The following LRRC8D variants were observed in gnomAD, a reference collection of about 807,000 sequenced individuals.
LRRC8D encodes the protein leucine rich repeat containing 8 VRAC subunit D.
A neutral mutation model predicts 55.8 loss-of-function variants in LRRC8D; 20 were observed. The observed-to-expected ratio is 0.36, with a 90% CI of 0.25 to 0.52. The LOEUF (loss-of-function observed/expected upper bound fraction) is 0.52, where lower values mean the gene tolerates loss of function less well. Among genes scored for constraint, LRRC8D ranks in the 20% least tolerant of loss-of-function variants. LRRC8D has a pLI of 0.93. For missense variants in LRRC8D, 651 were observed against 1,030.8 expected (o/e 0.63, Z 5.05); for synonymous variants, 352 against 377.0 (o/e 0.93, Z 0.77).
At chr1:89,848,900 G>A (rs1175636294) in intron 2 of LRRC8D, among the ~76,000 whole-genome samples, 7 of 151,990 alleles carry the variant, frequency 4.6e-5, no homozygotes, top group Non-Finnish European at 1.5e-5. Context: ...GGGTTTCACC[G>A]TGTTAGCCAG....
At chr1:89,886,617 A>G (rs554422143) in intron 2 of LRRC8D, among the ~76,000 whole-genome samples, 34 of 152,234 alleles carry the variant, frequency 2.2e-4, no homozygotes, top group Non-Finnish European at 4.6e-4. Context: ...CTCAGTTTTT[A>G]TCTCAAAACA....
intron 2 of LRRC8D, among the ~76,000 whole-genome samples, chr1:89,865,046 C>G (rs936700362): frequency 3.3e-5 from 5 of 152,118 alleles, no homozygotes; most frequent in African/African-American, 9.7e-5. Flanking sequence ...TTTTACATCT[C>G]CAACATTTCA....
At chr1:89,826,279 T>G (rs2100693997) in intron 1 of LRRC8D, among the ~76,000 whole-genome samples, 1 of 123,610 alleles carries the variant, frequency 8.1e-6, no homozygotes, top group East Asian at 2.4e-4. Flanking sequence ...TTATTTTATT[T>G]TTTTAGACGG....
At chr1:89,928,626 G>T (rs1663626698) in intron 2 of LRRC8D, among the ~76,000 whole-genome samples, 1 of 152,106 alleles carries the variant, frequency 6.6e-6, no homozygotes, top group Non-Finnish European at 1.5e-5. Flanking sequence ...TCTGGGGCCG[G>T]AGCTGGTGAC....
At chr1:89,871,911 A>G (rs1305267998) in intron 2 of LRRC8D, among the ~76,000 whole-genome samples, 1 of 152,144 alleles carries the variant, frequency 6.6e-6, no homozygotes, top group African/African-American at 2.4e-5. Flanking sequence ...TTACTCCTAA[A>G]TACTACCTCG....
chr1:89,889,114 T>C (rs1228156644), intron 2 of LRRC8D, among the ~76,000 whole-genome samples: 3 of 152,184 alleles, frequency 2.0e-5, no homozygotes, highest in Non-Finnish European at 4.4e-5. Flanking sequence ...TCAGTGGTGG[T>C]AAGTCAGGCT....
intron 2 of LRRC8D, among the ~76,000 whole-genome samples, chr1:89,879,944 C>A (rs747594807): frequency 6.6e-6 from 1 of 151,706 alleles, no homozygotes; most frequent in Non-Finnish European, 1.5e-5. Flanking sequence ...TAAGTAGAAG[C>A]CATTTAATTC....
intron 2 of LRRC8D, among the ~76,000 whole-genome samples, chr1:89,925,216 A>G (rs1422600775): frequency 6.6e-6 from 1 of 152,184 alleles, no homozygotes; most frequent in Non-Finnish European, 1.5e-5. Flanking sequence ...CAAGGGATCT[A>G]GGTTCTGCTA....
chr1:89,916,379 T>TCC (rs1175921924), intron 2 of LRRC8D, among the ~76,000 whole-genome samples: 3 of 152,210 alleles, frequency 2.0e-5, no homozygotes, highest in Non-Finnish European at 4.4e-5. Context: ...TTTTATCAAA[T>TCC]CCTTTGAAAT....
intron 2 of LRRC8D, among the ~76,000 whole-genome samples, chr1:89,864,746 C>T (rs1247592064): frequency 6.6e-6 from 1 of 152,106 alleles, no homozygotes; most frequent in Non-Finnish European, 1.5e-5. Context: ...AAGACCTTGC[C>T]GCAGGAAACC....
At chr1:89,858,731 T>C (rs1037118088) in intron 2 of LRRC8D, among the ~76,000 whole-genome samples, 1 of 152,136 alleles carries the variant, frequency 6.6e-6, no homozygotes, top group Non-Finnish European at 1.5e-5. Context: ...ACAAGTGAAA[T>C]TTTTTTGAGT....
chr1:89,921,134 C>T (rs1663406795), intron 2 of LRRC8D, among the ~76,000 whole-genome samples: 1 of 152,094 alleles, frequency 6.6e-6, no homozygotes, highest in South Asian at 2.1e-4. Context: ...GAGGCCAAGG[C>T]GGATGAATCA....
intron 2 of LRRC8D, among the ~76,000 whole-genome samples, chr1:89,851,833 T>G (rs2100768683): frequency 6.6e-6 from 1 of 152,280 alleles, no homozygotes; most frequent in East Asian, 1.9e-4. Flanking sequence ...TAAAATGTGA[T>G]GAAACCATGT....
At chr1:89,838,427 T>G (rs1017035880) in intron 1 of LRRC8D, among the ~76,000 whole-genome samples, 2 of 151,986 alleles carry the variant, frequency 1.3e-5, no homozygotes, top group Non-Finnish European at 2.9e-5. Context: ...AAACAATGTT[T>G]CAAATAAGGA....
chr1:89,933,840 G>T lies in LRRC8D; in HGVS notation c.772G>T (p.Gly258Cys). 1 of 1,613,994 alleles carries T rather than the reference G, an allele frequency of 6.2e-7. No homozygotes were observed. Among genetic ancestry groups the T allele is most frequent in the Non-Finnish European group, 8.5e-7 (1 of 1,179,956 alleles). The change falls in exon 3 of 3, where the codon GGC becomes TGC. Residue 258 changes from glycine to cysteine, a missense_variant. This residue lies in a region of LRRC8D where 178 missense variants were observed against 374.9 expected (regional missense o/e 0.47). Coordinates refer to ENST00000337338, the MANE Select transcript of LRRC8D (RefSeq NM_001134479.2). This position sits in a 1 kb window ranked among gnomAD's most constrained non-coding sequence, Gnocchi z 7.0. ...CAGTACACCAATGATCAATAAAACTGGCTTTAAATTTTCAGCTGAGAAGCC... is the reference window on the plus strand; with the variant it reads ...CAGTACACCAATGATCAATAAAACTTGCTTTAAATTTTCAGCTGAGAAGCC... Reference protein sequence around the residue: ...SASTPMINKTGFKFSAEKPVI... With the variant: ...SASTPMINKTCFKFSAEKPVI...
intron 2 of LRRC8D, among the ~76,000 whole-genome samples, chr1:89,857,229 G>C (rs1472725509): frequency 6.6e-6 from 1 of 151,556 alleles, no homozygotes; most frequent in Non-Finnish European, 1.5e-5. Flanking sequence ...CTAAAAAATA[G>C]AAAATTAGCC....
chr1:89,830,838 T>G (rs1660867896), intron 1 of LRRC8D, among the ~76,000 whole-genome samples: 1 of 152,120 alleles, frequency 6.6e-6, no homozygotes, highest in South Asian at 2.1e-4. Flanking sequence ...CTTTAGGCCC[T>G]TAGAGATAGC....
intron 2 of LRRC8D, among the ~76,000 whole-genome samples, chr1:89,906,082 A>G (rs1157041325): frequency 1.3e-5 from 2 of 152,196 alleles, no homozygotes; most frequent in African/African-American, 2.4e-5. Context: ...GCACATTTTT[A>G]TGGGGCAGCC....
chr1:89,881,388 A>T (rs1662279207), intron 2 of LRRC8D, among the ~76,000 whole-genome samples: 1 of 152,184 alleles, frequency 6.6e-6, no homozygotes, highest in South Asian at 2.1e-4. Context: ...CGAAAGAATG[A>T]TGGACTTGGG....
Sources: gnomAD v4.1 joint callset for allele counts (sites outside exome capture counted in the v4.1 genomes callset) on GRCh38, gnomAD v4.1.1 for gene constraint, gnomAD v4.1.1 regional missense constraint, Gnocchi (gnomAD v3.1) non-coding constraint, MANE v1.5 for transcripts, NCBI Gene and HGNC (gene_info 2026-07-23, HGNC 2026-07-21) for gene names.